The following TOM1 variants were observed in gnomAD, a reference collection of about 807,000 sequenced individuals.
The protein encoded by TOM1 is target of myb1 membrane trafficking protein.
TOM1 carries 38 observed loss-of-function variants against 61.3 expected under a neutral mutation model. The observed-to-expected ratio is 0.62, with a 90% CI of 0.48 to 0.81. The LOEUF is 0.81. Among genes scored for constraint, TOM1 ranks in the 40% least tolerant of loss-of-function variants. The pLI is 0.00. For synonymous variants in TOM1, 270 were observed against 268.8 expected, an observed-to-expected ratio of 1.00 and a Z score of -0.04; for missense variants, 591 against 659.6, an observed-to-expected ratio of 0.90 and a Z score of 1.14.
chr22:35,305,172 C>G (rs1409834126), intron 1 of TOM1, among the ~76,000 whole-genome samples: 1 of 152,226 alleles, frequency 6.6e-6, no homozygotes, highest in Non-Finnish European at 1.5e-5. Context: ...TGAGGAGACA[C>G]CAGGCTGGGA....
chr22:35,332,287 A>T (rs1928905466), intron 8 of TOM1, among the ~76,000 whole-genome samples: 1 of 152,122 alleles, frequency 6.6e-6, no homozygotes, highest in African/African-American at 2.4e-5. Context: ...GTACCCTCAG[A>T]TATCCACAGT....
In TOM1 at chr22:35,347,679, T is replaced by C. The variant is rs1408170345; in HGVS notation, c.*470T>C. The stretch of plus-strand genomic sequence containing the variant: ...CCCTGCTCTGCTGCATGGGGCCCCA[T>C]GGCTTTGGCTGGCCACTGAGGGTAG... On this transcript the variant is annotated 3_prime_UTR_variant, in exon 15 of 15. Coordinates refer to ENST00000449058, the MANE Select transcript of TOM1 (RefSeq NM_005488.3). 6.4e-6 allele frequency: 1 copy of C among 155,202 alleles called. No homozygotes were observed. The highest frequency in any genetic ancestry group is 1.4e-5 in the Non-Finnish European group (1 of 69,908). The allele number at this position is 155,202 out of a possible 1,614,324, so 9.6% of individuals were successfully genotyped here.
rs767383893 is a variant in TOM1 at position 35,333,419 on chromosome 22, G to A, written c.949G>A (p.Glu317Lys). 7.4e-6 allele frequency: 12 copies of A among 1,613,972 alleles called. 1 individual carries two copies. The highest frequency in any genetic ancestry group is 1.7e-4 in the Middle Eastern group (1 of 6,042). The change falls in exon 10 of 15, where the codon GAG becomes AAG. Residue 317 changes from glutamate (E) to lysine (K), a missense_variant. Transcript: ENST00000449058. ...GQTTKAPSEA[E>K]PAADLIDMGP... ...TTCCCACCAGGCCCCAAGTGAGGCCGAGCCGGCAGCTGACCTGATCGACAT... is the reference window on the plus strand; with the variant it reads ...TTCCCACCAGGCCCCAAGTGAGGCCAAGCCGGCAGCTGACCTGATCGACAT...
rs1453668261 is a variant in TOM1 at position 35,330,353 on chromosome 22, A to C, written c.772A>C (p.Asn258His). ...TCACTTCCTTTCCTGGCAGGAGCTC[A>C]ACCGCACGTGCCGAGCCATGCAGCA... ...PADLELLQEL[N>H]RTCRAMQQRV... The change falls in exon 8 of 15, where the codon AAC becomes CAC. Residue 258 changes from asparagine to histidine, a missense_variant. Asn to His is a moderately conservative substitution (Grantham distance 68). Transcript: ENST00000449058. The C allele has an allele frequency of 1.9e-6, 3 of 1,611,684 alleles. No individual in the cohort carries two copies. In the South Asian group the frequency reaches 3.3e-5, roughly 18 times the overall value.
intron 12 of TOM1, among the ~76,000 whole-genome samples, chr22:35,339,365 C>T (rs776393900): frequency 7.2e-5 from 11 of 152,226 alleles, no homozygotes; most frequent in South Asian, 2.1e-4. Context: ...ACCAGTGGCC[C>T]GGGCTTCACA....
Position 35,322,050 on chromosome 22 carries a change from T to TCTGTC in TOM1, c.216+14_216+18dup. On this transcript the variant is annotated intron_variant, in intron 3 of 14. Transcript: ENST00000449058. ...GCTGGCTCTCACAGTGAGTGCCCCA[T>TCTGTC]CTGTCTGTCCTGTGGCAGGACTACG... is the stretch of plus-strand genomic sequence containing the variant. The TCTGTC allele has an allele frequency of 6.2e-7, 1 of 1,612,604 alleles. No individual in the cohort carries two copies.
chr22:35,317,729 C>G, intron 1 of TOM1, 148 bp from the exon 2 acceptor site: 1 of 653,148 alleles, frequency 1.5e-6, no homozygotes, highest in Non-Finnish European at 2.8e-6. Context: ...CAGTCTCACA[C>G]AGGGCCAGGC....
At chr22:35,322,758 T>C in intron 3 of TOM1, 2 of 447,698 alleles carry the variant, frequency 4.5e-6, no homozygotes, top group South Asian at 6.2e-5. Context: ...AGAGACAGCA[T>C]TGGGATTCTG....
At chr22:35,340,239 G>A (rs1929763280) in intron 12 of TOM1, among the ~76,000 whole-genome samples, 1 of 152,198 alleles carries the variant, frequency 6.6e-6, no homozygotes, top group Admixed American at 6.5e-5. Context: ...GGGCCGAGGA[G>A]GCTAGAGGAG....
chr22:35,300,939 C>T (rs1378206387), intron 1 of TOM1, among the ~76,000 whole-genome samples: 1 of 151,284 alleles, frequency 6.6e-6, no homozygotes, highest in Non-Finnish European at 1.5e-5. Flanking sequence ...GGGCTGGGCA[C>T]GGTGGCTCCC....
At chr22:35,338,878 C>G (rs1263320300) in intron 12 of TOM1, 90 bp downstream of exon 12, 3 of 1,238,590 alleles carry the variant, frequency 2.4e-6, no homozygotes, top group African/African-American at 3.1e-5. Flanking sequence ...GGGCCAAGCA[C>G]TGGCCCAGCA....
At chr22:35,313,762 G>A (rs1194271473) in intron 1 of TOM1, among the ~76,000 whole-genome samples, 2 of 152,214 alleles carry the variant, frequency 1.3e-5, no homozygotes, top group African/African-American at 4.8e-5. Flanking sequence ...AGGACAGACT[G>A]CTGTAAGGAC....
chr22:35,332,535 A>G (rs1222932154), intron 8 of TOM1, among the ~76,000 whole-genome samples: 2 of 152,110 alleles, frequency 1.3e-5, no homozygotes, highest in East Asian at 3.9e-4. Context: ...AGCTCCATAA[A>G]ACAAGATTAG....
At chr22:35,333,315 G>A in intron 9 of TOM1, 89 bp from the exon 10 acceptor site, 1 of 1,263,946 alleles carries the variant, frequency 7.9e-7, no homozygotes, top group Non-Finnish European at 1.1e-6. Flanking sequence ...ACAGATCCCT[G>A]GGCAAAGCCT....
intron 1 of TOM1, chr22:35,311,027 G>A (rs576129779): frequency 6.6e-6 from 1 of 152,404 alleles, no homozygotes; most frequent in Non-Finnish European, 1.5e-5. Flanking sequence ...ACGAGTTGAG[G>A]TGGGGAGGAG....
At chr22:35,333,552 C>G in intron 10 of TOM1, 55 bp downstream of exon 10, 1 of 1,545,658 alleles carries the variant, frequency 6.5e-7, no homozygotes, top group South Asian at 1.1e-5. Flanking sequence ...CTGTGGGCAC[C>G]CCTGCAGATT....
chr22:35,326,170 T>C (rs998822884), intron 6 of TOM1, among the ~76,000 whole-genome samples: 12 of 152,228 alleles, frequency 7.9e-5, no homozygotes, highest in Non-Finnish European at 1.3e-4. Context: ...GTAGCTGCTG[T>C]CACAATCATG....
intron 1 of TOM1, among the ~76,000 whole-genome samples, chr22:35,312,175 C>T (rs570907417): frequency 2.0e-5 from 3 of 150,662 alleles, no homozygotes; most frequent in South Asian, 4.2e-4. Context: ...ACCCAGGAGA[C>T]GGAAGTTGCA....
intron 7 of TOM1, 85 bp downstream of exon 7, chr22:35,327,472 C>A: frequency 1.1e-6 from 1 of 933,682 alleles, no homozygotes. Flanking sequence ...TCATGACAGT[C>A]TTCATGGCTT....
Sources: gnomAD v4.1 joint callset for allele counts (sites outside exome capture counted in the v4.1 genomes callset) on GRCh38, gnomAD v4.1.1 for gene constraint, MANE v1.5 for transcripts, NCBI Gene and HGNC (gene_info 2026-07-23, HGNC 2026-07-21) for gene names.